Variants in LAG3 observed in about 807,000 individuals in gnomAD.
LAG3 encodes the protein lymphocyte activation gene 3 protein.
LAG3 carries 29 observed loss-of-function variants against 49.0 expected under a neutral mutation model. That is an observed-to-expected ratio of 0.59 (90% CI 0.44 to 0.81). The LOEUF (loss-of-function observed/expected upper bound fraction) is 0.81, where lower values mean the gene tolerates loss of function less well. LAG3 is among the 30% of genes least tolerant of loss of function. The pLI, the probability that LAG3 is intolerant of heterozygous loss-of-function variation, is 0.00. For missense variants in LAG3, 693 were observed against 695.2 expected (o/e 1.00, Z 0.04); for synonymous variants, 320 against 297.3 (o/e 1.08, Z -0.79).
At position 6,773,832 on chromosome 12, in the gene LAG3, G is replaced by A; in HGVS notation, c.342G>A (p.Leu114=). 2 of 1,405,990 alleles carry A rather than the reference G, an allele frequency of 1.4e-6. No homozygotes were observed. Among genetic ancestry groups the A allele is most frequent in the East Asian group, 3.1e-5 (1 of 32,654 alleles). 87.1% of individuals were successfully genotyped at this position (1,405,990 alleles called of 1,614,324 possible). A position where few individuals can be genotyped will look rare whatever the true frequency, so the allele number is the denominator to read the frequency against. The change falls in exon 3 of 8, where the codon CTG becomes CTA. Residue 114 remains leucine (L), a synonymous_variant. Coordinates refer to ENST00000203629, the MANE Select transcript of LAG3 (RefSeq NM_002286.6). The surrounding 1 kb of genome is among the most constrained non-coding windows in gnomAD (Gnocchi z 5.5). Reference sequence around the variant, plus strand: ...CCGGAGGCCTGCGCAGCGGGAGGCTGCCCCTGCAGCCCCGCGTCCAGCTGG... The same window carrying A: ...CCGGAGGCCTGCGCAGCGGGAGGCTACCCCTGCAGCCCCGCGTCCAGCTGG... ...VGPGGLRSGR[L]PLQPRVQLDE... is the part of the protein sequence containing the mutation.
At chr12:6,775,165 A>G in intron 4 of LAG3, 108 bp from the exon 5 acceptor site, 2 of 1,254,522 alleles carry the variant, frequency 1.6e-6, no homozygotes, top group Non-Finnish European at 2.2e-6. Context: ...TAGCACTCTT[A>G]TGAGCCAGAC....
Position 6,773,819 on chromosome 12 carries a change from G to A in LAG3, c.329G>A (p.Arg110His), listed in dbSNP as rs971949567. 5 of 1,401,206 alleles carry A rather than the reference G, an allele frequency of 3.6e-6. No homozygotes were observed. Among genetic ancestry groups the A allele is most frequent in the African/African-American group, 3.0e-5 (2 of 66,100 alleles). The allele number at this position is 1,401,206 out of a possible 1,614,324, so 86.8% of individuals were successfully genotyped here. The change falls in exon 3 of 8, where the codon CGC becomes CAC. Residue 110 changes from arginine (R) to histidine (H), a missense_variant. By Grantham distance (29) the Arg-to-His change is conservative (BLOSUM62 0). Coordinates refer to ENST00000203629, the MANE Select transcript of LAG3 (RefSeq NM_002286.6). This position sits in a 1 kb window ranked among gnomAD's most constrained non-coding sequence, Gnocchi z 5.5. ...CTGAGCGTGGGTCCCGGAGGCCTGCGCAGCGGGAGGCTGCCCCTGCAGCCC... is the reference window on the plus strand; with the variant it reads ...CTGAGCGTGGGTCCCGGAGGCCTGCACAGCGGGAGGCTGCCCCTGCAGCCC... ...TVLSVGPGGL[R>H]SGRLPLQPRV... is the part of the protein sequence containing the mutation.
At position 6,774,844 on chromosome 12, in the gene LAG3, T is replaced by C; in HGVS notation, c.761T>C (p.Met254Thr). The C allele has an allele frequency of 6.2e-7, 1 of 1,613,944 alleles. No individual in the cohort carries two copies. Among genetic ancestry groups the C allele is most frequent in the Non-Finnish European group, 8.5e-7 (1 of 1,179,876 alleles). ...AGAGATGGCTTCAACGTCTCCATCA[T>C]GTATAACCTCACTGTTCTGGGTAAC... ...TYRDGFNVSI[M>T]YNLTVLGLEP... Residue 254 changes from methionine to threonine, a missense_variant, in exon 4 of 8, where the codon ATG becomes ACG. Transcript: ENST00000203629.
Position 6,773,457 on chromosome 12 carries a change from C to T in LAG3, c.206+118C>T. On this transcript the variant is annotated intron_variant, in intron 2 of 7. Transcript: ENST00000203629. The surrounding 1 kb of genome is among the most constrained non-coding windows in gnomAD (Gnocchi z 5.5). ...CTCCCTCTGAAGCCAGTGACCCAGT[C>T]TCCCTGCCCTCGCTTGCACCGTTCC... 1 of 1,282,260 alleles carries T rather than the reference C, an allele frequency of 7.8e-7. No individual in the cohort carries two copies. Among genetic ancestry groups the T allele is most frequent in the Non-Finnish European group, 1.1e-6 (1 of 928,308 alleles). The allele number at this position is 1,282,260 out of a possible 1,614,324, so 79.4% of individuals were successfully genotyped here. A position where few individuals can be genotyped will look rare whatever the true frequency, so the allele number is the denominator to read the frequency against.
At position 6,775,562 on chromosome 12, in the gene LAG3, G is replaced by T; in HGVS notation, c.1057+14G>T. 2 of 1,612,876 alleles carry T rather than the reference G, an allele frequency of 1.2e-6. No homozygotes were observed. The highest frequency in any genetic ancestry group is 1.7e-6 in the Non-Finnish European group (2 of 1,178,912). ...CAATCATCACAGGTCAGCCTCAGGT[G>T]GGAAAGGAGTAGCTGCCCTCCCAGG... On this transcript the variant is annotated intron_variant, in intron 5 of 7. Coordinates refer to ENST00000203629, the MANE Select transcript of LAG3 (RefSeq NM_002286.6).
chr12:6,773,151 G>A lies in LAG3; in HGVS notation c.59-41G>A, dbSNP rs1941862016. The A allele has an allele frequency of 3.2e-6, 5 of 1,579,900 alleles. No homozygotes were observed. Among genetic ancestry groups the A allele is most frequent in the African/African-American group, 1.4e-5 (1 of 73,166 alleles). Reference sequence around the variant, plus strand: ...GCTCCTTCTCTACCCCTGCCTCTCGGCTCACGCCCCCTCCCCTTGGCCTCT... The same window carrying A: ...GCTCCTTCTCTACCCCTGCCTCTCGACTCACGCCCCCTCCCCTTGGCCTCT... On this transcript the variant is annotated intron_variant, in intron 1 of 7. Coordinates refer to ENST00000203629, the MANE Select transcript of LAG3 (RefSeq NM_002286.6). The surrounding 1 kb of genome is among the most constrained non-coding windows in gnomAD (Gnocchi z 5.5).
rs1291261069 is a variant in LAG3 at position 6,772,750 on chromosome 12, C to G, written c.-103C>G. On this transcript the variant is annotated 5_prime_UTR_variant, in exon 1 of 8. Transcript: ENST00000203629. ...TTCTAGAACCCCTTCCTCCACCTCC[C>G]TCTCTGCAGAACTTCTCCTTTACCC... 2 of 913,562 alleles carry G rather than the reference C, an allele frequency of 2.2e-6. No homozygotes were observed. Among genetic ancestry groups the G allele is most frequent in the African/African-American group, 1.7e-5 (1 of 60,146 alleles). 56.6% of individuals were successfully genotyped at this position (913,562 alleles called of 1,614,324 possible).
rs541740290 is a variant in LAG3, at chr12:6,772,840, G to T, written c.-13G>T. 21 of 1,606,132 alleles carry T rather than the reference G, an allele frequency of 1.3e-5. No homozygotes were observed. In the African/African-American group the frequency reaches 2.5e-4, roughly 19 times the overall value. On this transcript the variant is annotated 5_prime_UTR_variant, in exon 1 of 8. Transcript: ENST00000203629. Reference sequence around the variant, plus strand: ...CTTTTGGAGGGCTCAGCGCTGCCCAGACCATAGGAGAGATGTGGGAGGCTC... The same window carrying T: ...CTTTTGGAGGGCTCAGCGCTGCCCATACCATAGGAGAGATGTGGGAGGCTC...
Position 6,772,901 on chromosome 12 carries a change from G to A in LAG3, c.49G>A (p.Val17Met). 1.2e-6 allele frequency: 2 copies of A among 1,613,958 alleles called. No individual in the cohort carries two copies. The highest frequency in any genetic ancestry group is 1.7e-6 in the Non-Finnish European group (2 of 1,179,986). Residue 17 changes from valine (V) to methionine (M), a missense_variant, in exon 1 of 8, where the codon GTG (valine) becomes ATG (methionine). By Grantham distance (21) the Val-to-Met change is conservative. Coordinates refer to ENST00000203629, the MANE Select transcript of LAG3 (RefSeq NM_002286.6). ...CTTGCTGTTTCTGCAGCCGCTTTGG[G>A]TGGCTCCAGGTAAAACGGGGATGGC... The part of the protein sequence containing the change: ...LGLLFLQPLW[V>M]APVKPLQPGA...
intron 5 of LAG3, 185 bp downstream of exon 5, chr12:6,775,733 A>C: frequency 1.6e-6 from 1 of 607,526 alleles, no homozygotes. Flanking sequence ...GAAACTGAAA[A>C]TCTCCTCTTG....
In LAG3 at chr12:6,773,908, C is replaced by A; in HGVS notation, c.418C>A (p.Arg140=). 7.2e-7 allele frequency: 1 copy of A among 1,382,464 alleles called. No individual in the cohort carries two copies. The highest frequency in any genetic ancestry group is 9.3e-7 in the Non-Finnish European group (1 of 1,076,508). 85.6% of individuals were successfully genotyped at this position (1,382,464 alleles called of 1,614,324 possible). ...CTTCTCGCTATGGCTGCGCCCAGCC[C>A]GGCGCGCGGACGCCGGCGAGTACCG... ...GDFSLWLRPA[R]RADAGEYRAA... Residue 140 remains arginine, a synonymous_variant, in exon 3 of 8, where the codon CGG becomes AGG. Transcript: ENST00000203629. The surrounding 1 kb of genome is among the most constrained non-coding windows in gnomAD (Gnocchi z 5.5).
intron 7 of LAG3, 92 bp downstream of exon 7, chr12:6,778,013 C>A (rs960794946): frequency 5.1e-6 from 8 of 1,572,744 alleles, no homozygotes; most frequent in Non-Finnish European, 6.1e-6. Flanking sequence ...GGAAGGTGAC[C>A]AAATGGGACC....
rs1941932640 is a variant in LAG3 at position 6,778,348 on chromosome 12, G to GGAACCGGAGCCC, written c.1539_1550dup (p.Glu519_Pro522dup). 6.2e-7 allele frequency: 1 copy of GGAACCGGAGCCC among 1,612,792 alleles called. No individual in the cohort carries two copies. Among genetic ancestry groups the GGAACCGGAGCCC allele is most frequent in the East Asian group, 2.2e-5 (1 of 44,862 alleles). ...AAGAACCGGAGCCGGAGCCGGAGCC[G>GGAACCGGAGCCC]GAACCGGAGCCCGAGCCCGAGCCCG... On this transcript the variant is annotated inframe_insertion, in exon 8 of 8. Transcript: ENST00000203629.
chr12:6,775,540 T>C lies in LAG3; in HGVS notation c.1049T>C (p.Ile350Thr), dbSNP rs374521708. ...CTCAATGCCACTGTCACATTGGCAA[T>C]CATCACAGGTCAGCCTCAGGTGGGA... ...QQLNATVTLA[I>T]ITVTPKSFGS... The change falls in exon 5 of 8, where the codon ATC becomes ACC. Residue 350 changes from isoleucine (I) to threonine (T), a missense_variant. Physicochemically the swap from Ile to Thr is moderately conservative, Grantham distance 89. Coordinates refer to ENST00000203629, the MANE Select transcript of LAG3 (RefSeq NM_002286.6). 1.1e-4 allele frequency: 176 copies of C among 1,613,948 alleles called. No individual in the cohort carries two copies. The highest frequency in any genetic ancestry group is 1.5e-4 in the Non-Finnish European group (175 of 1,179,936).
intron 5 of LAG3, chr12:6,775,846 G>T: frequency 2.7e-6 from 1 of 368,404 alleles, no homozygotes; most frequent in South Asian, 3.7e-5. Context: ...AATTCTGAAT[G>T]GTTCGAAAGA....
At chr12:6,774,091 G>C (rs933114079) in intron 3 of LAG3, 90 bp downstream of exon 3, 20 of 1,347,998 alleles carry the variant, frequency 1.5e-5, no homozygotes, top group Non-Finnish European at 1.9e-5. Flanking sequence ...GGCAGAGGCT[G>C]CGCCCTAGGC....
rs1941873877 is a variant in LAG3, at chr12:6,773,945, A to T, written c.455A>T (p.His152Leu). ...GCCGGCGAGTACCGCGCCGCGGTGC[A>T]CCTCAGGGACCGCGCCCTCTCCTGC... is the stretch of plus-strand genomic sequence containing the variant. ...ADAGEYRAAV[H>L]LRDRALSCRL... The change falls in exon 3 of 8, where the codon CAC (histidine) becomes CTC (leucine). Residue 152 changes from histidine to leucine, a missense_variant. Transcript: ENST00000203629. The surrounding 1 kb of genome is among the most constrained non-coding windows in gnomAD (Gnocchi z 5.5). 7.1e-7 allele frequency: 1 copy of T among 1,413,814 alleles called. No individual in the cohort carries two copies. Among genetic ancestry groups the T allele is most frequent in the Non-Finnish European group, 9.2e-7 (1 of 1,092,536 alleles). 87.6% of individuals were successfully genotyped at this position (1,413,814 alleles called of 1,614,324 possible).
In LAG3 at chr12:6,774,755, C is replaced by G; in HGVS notation, c.672C>G (p.Ser224Arg). The G allele has an allele frequency of 6.2e-7, 1 of 1,614,208 alleles. No individual in the cohort carries two copies. The highest frequency in any genetic ancestry group is 8.5e-7 in the Non-Finnish European group (1 of 1,180,028). ...CCCCCCATCACCACTTAGCGGAAAG[C>G]TTCCTCTTCCTGCCCCAAGTCAGCC... is the stretch of plus-strand genomic sequence containing the variant. ...RESPHHHLAE[S>R]FLFLPQVSPM... Residue 224 changes from serine (S) to arginine (R), a missense_variant, in exon 4 of 8, where the codon AGC becomes AGG. Coordinates refer to ENST00000203629, the MANE Select transcript of LAG3 (RefSeq NM_002286.6).
chr12:6,778,277 G>A lies in LAG3; in HGVS notation c.1465G>A (p.Gly489Arg), dbSNP rs962576685. Residue 489 changes from glycine to arginine, a missense_variant, in exon 8 of 8, where the codon GGG becomes AGG. By Grantham distance (125) the Gly-to-Arg change is moderately radical (BLOSUM62 -2). Transcript: ENST00000203629. ...RPRRFSALEQ[G>R]IHPPQAQSKI... ...AAGACGATTTTCTGCCTTAGAGCAA[G>A]GGATTCACCCTCCGCAGGCTCAGAG... 1.6e-5 allele frequency: 25 copies of A among 1,611,474 alleles called. No homozygotes were observed. The Middle Eastern group carries it at 8.2e-4, about 53-fold the overall frequency.
Sources: allele counts gnomAD v4.1 joint callset, GRCh38; gene constraint gnomAD v4.1.1; non-coding constraint Gnocchi (gnomAD v3.1); transcripts MANE v1.5; gene names NCBI Gene and HGNC (gene_info 2026-07-23, HGNC 2026-07-21).